MAST4: variants seen among roughly 807,000 people sequenced by gnomAD.
MAST4 encodes the protein microtubule-associated serine/threonine-protein kinase 4.
A neutral mutation model predicts 162.7 loss-of-function variants in MAST4; 89 were observed. The ratio of observed to expected loss-of-function variants is 0.55; its 90% confidence interval spans 0.46 to 0.65. MAST4 has a LOEUF of 0.65. Among genes scored for constraint, MAST4 ranks in the 30% least tolerant of loss-of-function variants. The pLI is 0.00. For missense variants in MAST4, 3,153 were observed against 3,374.0 expected (o/e 0.93, Z 1.62); for synonymous variants, 1,479 against 1,361.1 (o/e 1.09, Z -1.91).
At chr5:67,099,691 A>G (rs557795122) in intron 7 of MAST4, among the ~76,000 whole-genome samples, 21 of 152,260 alleles carry the variant, frequency 1.4e-4, no homozygotes, top group African/African-American at 5.1e-4. Context: ...TTTCAGATTG[A>G]TTAAAAGCAG....
intron 3 of MAST4, chr5:66,870,905 G>A (rs947531082): frequency 1.9e-5 from 9 of 469,164 alleles, no homozygotes; most frequent in Non-Finnish European, 3.5e-5. Context: ...GCGTGGTCCC[G>A]CTGCGGTAAA....
At chr5:67,150,907 C>A (rs1464177243) in intron 24 of MAST4, among the ~76,000 whole-genome samples, 1 of 152,148 alleles carries the variant, frequency 6.6e-6, no homozygotes, top group Admixed American at 6.5e-5. Flanking sequence ...GTTGGCTTTG[C>A]TCTTCTTTGA....
rs116548219 is a variant in MAST4 at position 67,065,658 on chromosome 5, T to A, written c.763+11166T>A. On this transcript the variant is annotated intron_variant, in intron 5 of 28. Transcript: ENST00000403625. ...AAGTTTAAAAGTCTGTATCTTAAAA[T>A]CAAGTATATATGCTAAAAAGCATTT... Among the ~76,000 whole-genome samples the A allele has an allele frequency of 5.9e-3, 906 of 152,360 alleles. 10 individuals are homozygous for A. The highest frequency in any genetic ancestry group is 0.021 in the African/African-American group (855 of 41,590).
intron 1 of MAST4, among the ~76,000 whole-genome samples, chr5:66,716,084 T>G (rs1750820375): frequency 6.6e-6 from 1 of 152,048 alleles, no homozygotes; most frequent in African/African-American, 2.4e-5. Context: ...AACATAAAAG[T>G]GTTTTATTAG....
chr5:67,157,798 T>C (rs911174364), intron 26 of MAST4, among the ~76,000 whole-genome samples: 6 of 152,134 alleles, frequency 3.9e-5, no homozygotes, highest in African/African-American at 1.2e-4. Context: ...TCTTTACCTG[T>C]AAAGGAAGGA....
At chr5:67,010,117 T>C (rs908703801) in intron 4 of MAST4, among the ~76,000 whole-genome samples, 2 of 152,186 alleles carry the variant, frequency 1.3e-5, no homozygotes, top group African/African-American at 4.8e-5. Context: ...ATTGAAGATC[T>C]GTTGTGCACT....
At chr5:66,812,417 A>T (rs774272211) in intron 3 of MAST4, among the ~76,000 whole-genome samples, 5 of 152,074 alleles carry the variant, frequency 3.3e-5, no homozygotes, top group Non-Finnish European at 7.4e-5. Flanking sequence ...GAAACAGAAC[A>T]CTTATCGTCT....
intron 4 of MAST4, among the ~76,000 whole-genome samples, chr5:66,999,298 G>A (rs978334631): frequency 6.6e-6 from 1 of 152,288 alleles, no homozygotes; most frequent in Non-Finnish European, 1.5e-5. Context: ...AAGGTAGAGT[G>A]CTGGAGTGTG....
chr5:66,674,587 G>C (rs1747831158), intron 1 of MAST4, among the ~76,000 whole-genome samples: 2 of 152,220 alleles, frequency 1.3e-5, no homozygotes, highest in African/African-American at 2.4e-5. Flanking sequence ...GTCTACATGA[G>C]TTCAGAGTCT....
At chr5:67,050,963 G>T (rs468390) in intron 4 of MAST4, among the ~76,000 whole-genome samples, 3 of 152,066 alleles carry the variant, frequency 2.0e-5, no homozygotes, top group African/African-American at 7.2e-5. Context: ...GAATGTATTT[G>T]GGGATGGAAT....
In MAST4 at chr5:67,165,177, CTG is replaced by C; in HGVS notation, c.6001_6002del (p.Cys2001LeufsTer9). 2.5e-6 allele frequency: 4 copies of C among 1,605,070 alleles called. No homozygotes were observed. The highest frequency in any genetic ancestry group is 3.4e-6 in the Non-Finnish European group (4 of 1,175,654). On this transcript the variant is annotated frameshift_variant, in exon 29 of 29. Coordinates refer to ENST00000403625, the MANE Select transcript of MAST4 (RefSeq NM_001164664.2). LOFTEE classifies it low-confidence loss of function (END_TRUNC). ...ADTCREPSME[L>X]CFPETAKTSD... ...CACATGCAGAGAGCCCTCCATGGAA[CTG>C]TGCTTTCCAGAAACTGCGAAAACCA...
chr5:66,621,106 A>T (rs903741170), intron 1 of MAST4, among the ~76,000 whole-genome samples: 1 of 152,138 alleles, frequency 6.6e-6, no homozygotes, highest in African/African-American at 2.4e-5. Context: ...GACTGTGTTA[A>T]TTTTTTGTTC....
chr5:67,001,167 C>A (rs1751253466), intron 4 of MAST4, among the ~76,000 whole-genome samples: 2 of 152,158 alleles, frequency 1.3e-5, no homozygotes, highest in Non-Finnish European at 2.9e-5. Flanking sequence ...ATAGTTTCTG[C>A]CCATATAATT....
chr5:66,644,747 G>GT (rs10638374), intron 1 of MAST4, among the ~76,000 whole-genome samples: 10,979 of 137,670 alleles, frequency 0.08, 558 homozygotes, highest in African/African-American at 0.13. Flanking sequence ...ATTTGAAGTA[G>GT]TTTTTTTTTT....
intron 1 of MAST4, among the ~76,000 whole-genome samples, chr5:66,692,428 T>C (rs569887676): frequency 1.9e-4 from 29 of 151,234 alleles, no homozygotes; most frequent in African/African-American, 6.8e-4. Context: ...TTTTTTTTAC[T>C]TTATTGTAGG....
intron 1 of MAST4, among the ~76,000 whole-genome samples, chr5:66,654,440 G>A (rs546882497): frequency 6.6e-6 from 1 of 152,250 alleles, no homozygotes; most frequent in East Asian, 1.9e-4. Flanking sequence ...GAGATGGAGT[G>A]GTCAAAGAGA....
rs767658820 is a variant in MAST4, at chr5:67,166,465, C to T, written c.7286C>T (p.Thr2429Met). Reference sequence around the variant, plus strand: ...GGGCCCGGTCCCCAGAAGCCACCGACGGAGGCAGACAAGCCCAATGGCATG... The same window carrying T: ...GGGCCCGGTCCCCAGAAGCCACCGATGGAGGCAGACAAGCCCAATGGCATG... ...GKGPGPQKPPTEADKPNGMKR... is the reference protein window; with the variant it reads ...GKGPGPQKPPMEADKPNGMKR... Residue 2429 changes from threonine to methionine, a missense_variant, in exon 29 of 29, where the codon ACG (threonine) becomes ATG (methionine). By Grantham distance (81) the Thr-to-Met change is moderately conservative (BLOSUM62 -1). This residue lies in a region of MAST4 where 1,644 missense variants were observed against 1,495.0 expected (regional missense o/e 1.10). Transcript: ENST00000403625. The T allele has an allele frequency of 5.0e-6, 8 of 1,602,128 alleles. No homozygotes were observed. Among genetic ancestry groups the T allele is most frequent in the South Asian group, 4.5e-5 (4 of 89,208 alleles).
intron 4 of MAST4, among the ~76,000 whole-genome samples, chr5:66,924,100 T>A (rs1271773137): frequency 6.6e-6 from 1 of 152,228 alleles, no homozygotes; most frequent in African/African-American, 2.4e-5. Context: ...TGCCATCTCA[T>A]CTTCCTGACT....
intron 4 of MAST4, among the ~76,000 whole-genome samples, chr5:66,908,280 T>C (rs1168077714): frequency 6.6e-6 from 1 of 152,140 alleles, no homozygotes; most frequent in Non-Finnish European, 1.5e-5. Context: ...ATAGAAACAA[T>C]GTAGGATTGA....
Sources: allele counts gnomAD v4.1 joint callset (sites outside exome capture counted in the v4.1 genomes callset), GRCh38; gene constraint gnomAD v4.1.1; regional missense constraint gnomAD v4.1.1; transcripts MANE v1.5; gene names NCBI Gene and HGNC (gene_info 2026-07-23, HGNC 2026-07-21).